THOC1: variants seen among roughly 807,000 people sequenced by gnomAD.
The protein encoded by THOC1 is THO complex 1.
THOC1 carries 29 observed loss-of-function variants against 97.3 expected under a neutral mutation model. The ratio of observed to expected loss-of-function variants is 0.30; its 90% CI spans 0.22 to 0.41. THOC1 has a LOEUF of 0.41. Among genes scored for constraint, THOC1 ranks in the 10% least tolerant of loss-of-function variants. The pLI is 1.00. For synonymous variants in THOC1, 255 were observed against 257.0 expected (o/e 0.99, Z 0.07); for missense variants, 529 against 761.9 (o/e 0.69, Z 3.60).
rs185499768 is a variant in THOC1, at chr18:252,769, A to G, written c.604-157T>C. Among the ~76,000 whole-genome samples, 690 of 152,372 alleles carry G rather than the reference A, an allele frequency of 4.5e-3. 6 individuals carry two copies. The highest frequency in any genetic ancestry group is 7.6e-3 in the Non-Finnish European group (515 of 68,030). ...AGACCTATAGTTAATCTGTAAGGCA[A>G]TCAGAATTTTACCTGATGGACAGAA... is the stretch of plus-strand genomic sequence containing the variant. On this transcript the variant is annotated intron_variant, in intron 8 of 20. Transcript: ENST00000261600.
Position 268,001 on chromosome 18 carries a change from G to C in THOC1, c.19C>G (p.Leu7Val), listed in dbSNP as rs772056461. 14 of 1,609,804 alleles carry C rather than the reference G, an allele frequency of 8.7e-6. No homozygotes were observed. The South Asian group carries it at 1.5e-4, about 18-fold the overall frequency. MSPTPP[L>V]FSLPEARTRF... ...GTCCGCGCTTCGGGCAAACTGAAGA[G>C]CGGCGGCGTCGGAGACATCTTCTCG... Residue 7 changes from leucine to valine, a missense_variant, in exon 1 of 21, where the codon CTC becomes GTC. By Grantham distance (32) the Leu-to-Val change is conservative (BLOSUM62 1). Transcript: ENST00000261600.
rs1911228484 is a variant in THOC1 at position 224,938 on chromosome 18, A to G, written c.1194T>C (p.Ser398=). 6.4e-7 allele frequency: 1 copy of G among 1,573,154 alleles called. No homozygotes were observed. Among genetic ancestry groups the G allele is most frequent in the Non-Finnish European group, 8.6e-7 (1 of 1,157,040 alleles). The stretch of plus-strand genomic sequence containing the variant: ...TATGTATTTACCTTTCTTTCACAAA[A>G]CTTGGGCAACCTTCATTTTTCCACG... ...WNSWKNEGCP[S]FVKERTSDTK... is the part of the protein sequence containing the mutation. Residue 398 remains serine (S), a synonymous_variant, in exon 15 of 21, where the codon AGT becomes AGC. Transcript: ENST00000261600.
At position 216,561 on chromosome 18, in the gene THOC1, C is replaced by T; in HGVS notation, c.1527G>A (p.Gln509=). The change falls in exon 19 of 21, where the codon CAG becomes CAA. Residue 509 remains glutamine, a synonymous_variant. Transcript: ENST00000261600. ...LLARRSPHFF[Q]PTNQQFKSLP... Reference sequence around the variant, plus strand: ...AACTTTTAAACTGCTGGTTGGTTGGCTGGAAGAAGTGAGGGCTTCTCCGTG... The same window carrying T: ...AACTTTTAAACTGCTGGTTGGTTGGTTGGAAGAAGTGAGGGCTTCTCCGTG... 6.2e-7 allele frequency: 1 copy of T among 1,613,986 alleles called. No homozygotes were observed.
intron 11 of THOC1, among the ~76,000 whole-genome samples, chr18:235,553 T>G (rs1231636320): frequency 6.6e-6 from 1 of 152,206 alleles, no homozygotes; most frequent in Non-Finnish European, 1.5e-5. Flanking sequence ...AATTTTGATA[T>G]ACATTTATTA....
intron 17 of THOC1, 69 bp from the exon 18 acceptor site, chr18:219,038 G>C (rs1910992917): frequency 2.1e-6 from 1 of 465,988 alleles, no homozygotes; most frequent in Non-Finnish European, 3.1e-6. Context: ...TGAAGTGGTG[G>C]CAGGACAAGA....
chr18:256,773 TCTA>T (rs1912449614), intron 7 of THOC1, among the ~76,000 whole-genome samples: 1 of 152,200 alleles, frequency 6.6e-6, no homozygotes. Flanking sequence ...CTTTGAAAGT[TCTA>T]CTGTGGATAA....
intron 17 of THOC1, among the ~76,000 whole-genome samples, chr18:221,729 C>T (rs1911091457): frequency 6.6e-6 from 1 of 151,894 alleles, no homozygotes; most frequent in South Asian, 2.1e-4. Flanking sequence ...CTGCCTCAGC[C>T]TCCCAAGTAG....
Position 265,479 on chromosome 18 carries a change from T to C in THOC1, c.106A>G (p.Thr36Ala), listed in dbSNP as rs1315621481. 6.3e-7 allele frequency: 1 copy of C among 1,597,856 alleles called. No homozygotes were observed. Among genetic ancestry groups the C allele is most frequent in the South Asian group, 1.1e-5 (1 of 87,900 alleles). ...NNKNIKPLLSTFSQVPGSENE... is the reference protein window; with the variant it reads ...NNKNIKPLLSAFSQVPGSENE... Reference sequence around the variant, plus strand: ...TACCTGCCAGGTACCTGGCTGAAGGTACTTAACAATGGCTTGATGTTTTTG... The same window carrying C: ...TACCTGCCAGGTACCTGGCTGAAGGCACTTAACAATGGCTTGATGTTTTTG... The change falls in exon 2 of 21, where the codon ACC (threonine) becomes GCC (alanine). Residue 36 changes from threonine (T) to alanine (A), a missense_variant. By Grantham distance (58) the Thr-to-Ala change is moderately conservative (BLOSUM62 0). Around this residue, in one of 8 missense-constraint regions of THOC1, gnomAD observed 114 missense variants for 97.4 expected, o/e 1.17. Coordinates refer to ENST00000261600, the MANE Select transcript of THOC1 (RefSeq NM_005131.3).
chr18:266,507 C>G (rs1780202237), intron 1 of THOC1, among the ~76,000 whole-genome samples: 1 of 151,790 alleles, frequency 6.6e-6, no homozygotes, highest in African/African-American at 2.4e-5. Context: ...TAGATGATCT[C>G]CAATTTCATG....
intron 6 of THOC1, 46 bp downstream of exon 6, chr18:259,636 C>A: frequency 7.3e-7 from 1 of 1,376,724 alleles, no homozygotes; most frequent in South Asian, 1.3e-5. Context: ...TTTTTCTGGG[C>A]ATATTTACAC....
At chr18:235,927 C>T (rs1222813770) in intron 11 of THOC1, among the ~76,000 whole-genome samples, 1 of 152,168 alleles carries the variant, frequency 6.6e-6, no homozygotes, top group Non-Finnish European at 1.5e-5. Context: ...GTTAAAAATA[C>T]ATACTGTAAT....
At position 214,898 on chromosome 18, in the gene THOC1, G is replaced by A. The variant is rs1910814175; in HGVS notation, c.1702C>T (p.Pro568Ser). ...ACCTCTATTTGTTCTCCTGTTACAG[G>A]TTTGTCTCGCCGAACATCAGGACCT... The part of the protein sequence containing the change: ...NESPDVRRDK[P>S]VTGEQIEVFA... The change falls in exon 21 of 21, where the codon CCT (proline) becomes TCT (serine). Residue 568 changes from proline to serine, a missense_variant. Coordinates refer to ENST00000261600, the MANE Select transcript of THOC1 (RefSeq NM_005131.3). The A allele has an allele frequency of 2.5e-6, 4 of 1,613,734 alleles. No individual in the cohort carries two copies. The East Asian group carries it at 6.7e-5, about 27-fold the overall frequency.
At chr18:266,068 T>G (rs1404689126) in intron 1 of THOC1, among the ~76,000 whole-genome samples, 3 of 152,218 alleles carry the variant, frequency 2.0e-5, no homozygotes, top group Admixed American at 2.0e-4. Flanking sequence ...ATGTCAGGTC[T>G]CGCCTCCTGG....
intron 11 of THOC1, among the ~76,000 whole-genome samples, chr18:235,470 G>A (rs1911648578): frequency 6.6e-6 from 1 of 151,966 alleles, no homozygotes; most frequent in African/African-American, 2.4e-5. Context: ...TGCATATGAA[G>A]CTTTAACTGT....
Position 216,469 on chromosome 18 carries a change from T to C in THOC1, c.1602+17A>G. The C allele has an allele frequency of 6.2e-7, 1 of 1,610,306 alleles. No individual in the cohort carries two copies. The highest frequency in any genetic ancestry group is 1.1e-5 in the South Asian group (1 of 90,402). On this transcript the variant is annotated intron_variant, in intron 19 of 20. Coordinates refer to ENST00000261600, the MANE Select transcript of THOC1 (RefSeq NM_005131.3). ...ATGTCAACTAAAGGGTATGAAAAGTTGATCTATGGTACTTACCGGTAATTC... is the reference window on the plus strand; with the variant it reads ...ATGTCAACTAAAGGGTATGAAAAGTCGATCTATGGTACTTACCGGTAATTC...
chr18:220,808 C>G (rs189660043), intron 17 of THOC1, among the ~76,000 whole-genome samples: 3 of 152,064 alleles, frequency 2.0e-5, no homozygotes, highest in Admixed American at 1.3e-4. Flanking sequence ...TTTTATTGAT[C>G]TTCTCTTTTG....
intron 7 of THOC1, among the ~76,000 whole-genome samples, chr18:258,648 T>C (rs905994024): frequency 2.0e-4 from 30 of 152,148 alleles, no homozygotes; most frequent in African/African-American, 7.0e-4. Context: ...AGCAAGGAGA[T>C]ATTAAAATCT....
At chr18:217,814 G>C (rs1288885340) in intron 18 of THOC1, among the ~76,000 whole-genome samples, 5 of 152,162 alleles carry the variant, frequency 3.3e-5, no homozygotes, top group African/African-American at 1.2e-4. Flanking sequence ...TCAAGCAAGT[G>C]AGACAGTAAA....
intron 11 of THOC1, among the ~76,000 whole-genome samples, chr18:231,239 GGAC>G (rs1289459576): frequency 6.6e-6 from 1 of 152,104 alleles, no homozygotes; most frequent in Non-Finnish European, 1.5e-5. Flanking sequence ...ATACATCACT[GGAC>G]TAGGCTACTG....
Sources: gnomAD v4.1 joint callset for allele counts (sites outside exome capture counted in the v4.1 genomes callset) on GRCh38, gnomAD v4.1.1 for gene constraint, gnomAD v4.1.1 regional missense constraint, MANE v1.5 for transcripts, NCBI Gene and HGNC (gene_info 2026-07-23, HGNC 2026-07-21) for gene names.